Variants in CNTN1 observed in about 807,000 individuals in gnomAD.
The protein encoded by CNTN1 is contactin-1.
CNTN1 carries 38 observed loss-of-function variants against 126.4 expected under a neutral mutation model. The ratio of observed to expected loss-of-function variants is 0.30; its 90% CI spans 0.23 to 0.39. CNTN1 has a LOEUF of 0.39. Among genes scored for constraint, CNTN1 ranks in the 10% least tolerant of loss-of-function variants. The pLI, the probability that CNTN1 is intolerant of heterozygous loss-of-function variation, is 1.00. For synonymous variants in CNTN1, 413 were observed against 422.6 expected, an observed-to-expected ratio of 0.98 and a Z score of 0.28; for missense variants, 1,009 against 1,248.4, an observed-to-expected ratio of 0.81 and a Z score of 2.89.
intron 23 of CNTN1, among the ~76,000 whole-genome samples, chr12:41,052,228 A>C (rs902496866): frequency 6.6e-6 from 1 of 152,158 alleles, no homozygotes; most frequent in African/African-American, 2.4e-5. Flanking sequence ...GAAGTAGATA[A>C]GCTCTTCCTG....
Position 40,758,825 on chromosome 12 carries a change from G to A in CNTN1, c.-77+66233G>A, listed in dbSNP as rs139463612. Among the ~76,000 whole-genome samples, 158 of 152,252 alleles carry A rather than the reference G, an allele frequency of 1.0e-3. 1 individual carries two copies. In the Middle Eastern group the frequency reaches 0.014, roughly 13 times the overall value. On this transcript the variant is annotated intron_variant, in intron 1 of 23. Transcript: ENST00000551295. ...CCAGTGAAGAGTTTGCAAACCAGGG[G>A]AGACACAGCCTTCTTGTAATGAAAG...
intron 1 of CNTN1, among the ~76,000 whole-genome samples, chr12:40,708,717 T>C (rs563820151): frequency 6.6e-6 from 1 of 152,352 alleles, no homozygotes; most frequent in African/African-American, 2.4e-5. Flanking sequence ...TTCTGAGTCC[T>C]TACTTGCCAT....
chr12:41,018,695 T>C (rs1487876492), intron 19 of CNTN1, among the ~76,000 whole-genome samples: 1 of 90,138 alleles, frequency 1.1e-5, no homozygotes, highest in African/African-American at 6.6e-5. Context: ...TATTTTAATA[T>C]ATGTGTGTGT....
intron 23 of CNTN1, among the ~76,000 whole-genome samples, chr12:41,037,270 A>G (rs1592440398): frequency 6.6e-6 from 1 of 152,206 alleles, no homozygotes. Flanking sequence ...AATAATACAT[A>G]TAAGGTCATG....
chr12:40,743,981 G>T (rs1044137886), intron 1 of CNTN1, among the ~76,000 whole-genome samples: 4 of 152,032 alleles, frequency 2.6e-5, no homozygotes, highest in African/African-American at 9.7e-5. Flanking sequence ...CATGTCCTTT[G>T]CAGGGACATG....
At chr12:40,731,934 A>G (rs565086241) in intron 1 of CNTN1, among the ~76,000 whole-genome samples, 2 of 152,184 alleles carry the variant, frequency 1.3e-5, no homozygotes, top group African/African-American at 4.8e-5. Flanking sequence ...ACATGCATGT[A>G]TTACTTTATA....
chr12:40,728,033 A>G (rs974463915), intron 1 of CNTN1, among the ~76,000 whole-genome samples: 10 of 152,180 alleles, frequency 6.6e-5, no homozygotes, highest in Non-Finnish European at 1.2e-4. Flanking sequence ...ACAGTTTCCC[A>G]GAGAAGAGTG....
At chr12:40,693,034 T>TG (rs949546662) in intron 1 of CNTN1, among the ~76,000 whole-genome samples, 1 of 152,184 alleles carries the variant, frequency 6.6e-6, no homozygotes, top group African/African-American at 2.4e-5. Flanking sequence ...CCATCCCACC[T>TG]GGGCGCCTGG....
At chr12:40,951,973 T>C (rs1211333483) in intron 14 of CNTN1, among the ~76,000 whole-genome samples, 1 of 152,050 alleles carries the variant, frequency 6.6e-6, no homozygotes, top group East Asian at 1.9e-4. Flanking sequence ...AAGGCAAATA[T>C]GGCAAAAAGT....
chr12:40,696,715 G>A (rs1412056172), intron 1 of CNTN1, among the ~76,000 whole-genome samples: 1 of 152,108 alleles, frequency 6.6e-6, no homozygotes, highest in Non-Finnish European at 1.5e-5. Context: ...ATGACCAACT[G>A]TGTAAAGTTA....
At chr12:40,694,021 T>TA (rs1941379944) in intron 1 of CNTN1, among the ~76,000 whole-genome samples, 1 of 152,252 alleles carries the variant, frequency 6.6e-6, no homozygotes, top group African/African-American at 2.4e-5. Context: ...TAAGTGTACA[T>TA]ATGAACCTTA....
chr12:40,711,040 C>T (rs369173202), intron 1 of CNTN1, among the ~76,000 whole-genome samples: 2 of 152,216 alleles, frequency 1.3e-5, no homozygotes, highest in African/African-American at 2.4e-5. Context: ...TAGTTAAATT[C>T]GGCTTCACCT....
Position 40,878,306 on chromosome 12 carries a change from T to TA in CNTN1, c.-76-30038dup, listed in dbSNP as rs200512380. On this transcript the variant is annotated intron_variant, in intron 1 of 23. Transcript: ENST00000551295. ...CCACTGCACCCAGCCAAGAAACAAT[T>TA]AAAAAAAAAAAAAGAACCCTGTTCT... 7.6e-3 allele frequency among the ~76,000 whole-genome samples: 1,086 copies of TA among 143,080 alleles called. 13 individuals are homozygous for TA. Among genetic ancestry groups the TA allele is most frequent in the African/African-American group, 0.02 (776 of 38,804 alleles). 93.9% of individuals were successfully genotyped at this position (143,080 alleles called of 152,430 possible). A position where few individuals can be genotyped will look rare whatever the true frequency, so the allele number is the denominator to read the frequency against.
chr12:40,863,910 ACCTT>A (rs776354943), intron 1 of CNTN1, among the ~76,000 whole-genome samples: 1 of 136,518 alleles, frequency 7.3e-6, no homozygotes, highest in Non-Finnish European at 1.5e-5. Context: ...ATCTGGACCG[ACCTT>A]CCTTCCTTCC....
intron 23 of CNTN1, among the ~76,000 whole-genome samples, chr12:41,045,939 C>G (rs1279013502): frequency 6.6e-6 from 1 of 152,010 alleles, no homozygotes; most frequent in Non-Finnish European, 1.5e-5. Context: ...AGTCTTGGGT[C>G]ACATGGCCAG....
intron 3 of CNTN1, among the ~76,000 whole-genome samples, chr12:40,911,149 C>T (rs774871468): frequency 2.0e-5 from 3 of 151,522 alleles, no homozygotes; most frequent in African/African-American, 4.8e-5. Flanking sequence ...GGCGCGATCT[C>T]GGCTCACTGC....
At chr12:40,856,480 G>T (rs1045590037) in intron 1 of CNTN1, among the ~76,000 whole-genome samples, 1 of 152,090 alleles carries the variant, frequency 6.6e-6, no homozygotes, top group Non-Finnish European at 1.5e-5. Context: ...TGGAGATAAT[G>T]AGTTTATAGG....
intron 23 of CNTN1, among the ~76,000 whole-genome samples, chr12:41,066,600 G>A (rs1039817500): frequency 2.0e-5 from 3 of 152,148 alleles, no homozygotes; most frequent in Non-Finnish European, 4.4e-5. Flanking sequence ...ACCACAAAGA[G>A]AAAATTCTAA....
At chr12:40,765,569 G>C (rs760701432) in intron 1 of CNTN1, among the ~76,000 whole-genome samples, 1 of 152,188 alleles carries the variant, frequency 6.6e-6, no homozygotes, top group Non-Finnish European at 1.5e-5. Context: ...GGTTAACAGA[G>C]TCAAGGGAAA....
Sources: allele counts gnomAD v4.1 joint callset (sites outside exome capture counted in the v4.1 genomes callset), GRCh38; gene constraint gnomAD v4.1.1; transcripts MANE v1.5; gene names NCBI Gene and HGNC (gene_info 2026-07-23, HGNC 2026-07-21).